Variants in ESYT1 observed in about 807,000 individuals in gnomAD.
ESYT1 encodes extended synaptotagmin 1, also known as extended synaptotagmin-1.
In ESYT1, 116 loss-of-function variants were observed where a neutral mutation model predicts 154.2. The observed-to-expected ratio is 0.75, with a 90% confidence interval of 0.65 to 0.88. The LOEUF (loss-of-function observed/expected upper bound fraction) is 0.88. ESYT1 is among the 40% of genes least tolerant of loss of function. ESYT1 has a pLI of 0.00. For synonymous variants in ESYT1, 500 were observed against 539.9 expected (o/e 0.93, Z 1.02); for missense variants, 1,264 against 1,379.3 (o/e 0.92, Z 1.32).
intron 24 of ESYT1, among the ~76,000 whole-genome samples, chr12:56,139,549 G>C (rs1196917603): frequency 6.6e-6 from 1 of 151,166 alleles, no homozygotes; most frequent in Non-Finnish European, 1.5e-5. Context: ...GGAAAGGCTG[G>C]AGATAGAAAG....
intron 24 of ESYT1, among the ~76,000 whole-genome samples, chr12:56,139,719 C>T (rs1002333489): frequency 3.3e-5 from 5 of 151,756 alleles, no homozygotes; most frequent in African/African-American, 1.2e-4. Flanking sequence ...CCTCAGCCTC[C>T]CGCGTACCTG....
At chr12:56,136,932 G>A (rs1382535503) in intron 16 of ESYT1, 39 bp downstream of exon 16, 2 of 1,542,938 alleles carry the variant, frequency 1.3e-6, no homozygotes, top group East Asian at 2.3e-5. Flanking sequence ...TGGGGGAAAG[G>A]CCTGTTGATT....
intron 15 of ESYT1, among the ~76,000 whole-genome samples, chr12:56,136,306 T>C (rs920149818): frequency 1.3e-5 from 2 of 151,492 alleles, no homozygotes; most frequent in African/African-American, 4.9e-5. Flanking sequence ...TGAACAAAGG[T>C]GGAAGGGGCC....
Position 56,137,919 on chromosome 12 carries a change from G to C in ESYT1, c.2198+5G>C. On this transcript the variant is annotated splice_donor_5th_base_variant and intron_variant, in intron 19 of 30. Coordinates refer to ENST00000394048, the MANE Select transcript of ESYT1 (RefSeq NM_015292.3). Reference sequence around the variant, plus strand: ...CAAGGATGATTTTCTGGGCAGGTGAGAGCATAGGAGTCTACGTGAAAAACA... The same window carrying C: ...CAAGGATGATTTTCTGGGCAGGTGACAGCATAGGAGTCTACGTGAAAAACA... 1.9e-6 allele frequency: 3 copies of C among 1,614,210 alleles called. No individual in the cohort carries two copies. Among genetic ancestry groups the C allele is most frequent in the African/African-American group, 2.7e-5 (2 of 75,056 alleles).
rs769121244 is a variant in ESYT1 at position 56,137,703 on chromosome 12, G to A, written c.2115+28G>A. On this transcript the variant is annotated intron_variant, in intron 18 of 30. Transcript: ENST00000394048. ...CAGAATTGAGTGGCTGTGACTCCTG[G>A]TTCTGCCCCATTTTTCCCCCAATCC... is the stretch of plus-strand genomic sequence containing the variant. The A allele has an allele frequency of 1.9e-6, 3 of 1,610,716 alleles. No individual in the cohort carries two copies. The East Asian group carries it at 6.7e-5, about 36-fold the overall frequency.
chr12:56,130,636 T>A lies in ESYT1; in HGVS notation c.432+13T>A. ...ATGGCTCAATAAGGTGAGGATTGAT[T>A]TGATTTTTAGTCTTCATGAGGGGAG... On this transcript the variant is annotated intron_variant, in intron 2 of 30. Transcript: ENST00000394048. 1 of 1,614,144 alleles carries A rather than the reference T, an allele frequency of 6.2e-7. No individual in the cohort carries two copies. The highest frequency in any genetic ancestry group is 8.5e-7 in the Non-Finnish European group (1 of 1,180,040).
At chr12:56,132,399 A>C (rs1453034467) in intron 8 of ESYT1, 22 bp from the exon 9 acceptor site, 2 of 1,613,648 alleles carry the variant, frequency 1.2e-6, no homozygotes, top group Admixed American at 3.3e-5. Context: ...TTAGTTTCTC[A>C]CCATCTGATT....
At chr12:56,138,350 G>A in intron 21 of ESYT1, 54 bp from the exon 22 acceptor site, 2 of 1,611,562 alleles carry the variant, frequency 1.2e-6, no homozygotes, top group Non-Finnish European at 1.7e-6. Flanking sequence ...CAAGGCACAT[G>A]CCAGAACCCA....
At chr12:56,130,478 TCACA>T in intron 1 of ESYT1, 100 bp from the exon 2 acceptor site, 1 of 1,394,324 alleles carries the variant, frequency 7.2e-7, no homozygotes, top group Non-Finnish European at 1.0e-6. Context: ...GTGTGAGGAG[TCACA>T]CACACTCCCT....
chr12:56,143,543 A>C, intron 29 of ESYT1, 37 bp from the exon 30 acceptor site: 2 of 1,612,842 alleles, frequency 1.2e-6, no homozygotes, highest in Non-Finnish European at 1.7e-6. Context: ...AAAAAATAAA[A>C]GAAATAACAT....
In ESYT1 at chr12:56,139,881, C is replaced by T. The variant is rs185768640; in HGVS notation, c.2592+868C>T. ...GGGATTATAGGTGTGAGCCACTGCA[C>T]CCGGCCTTTTTTTTTTTAGACAGGG... On this transcript the variant is annotated intron_variant, in intron 24 of 30. Transcript: ENST00000394048. Among the ~76,000 whole-genome samples, 126 of 151,610 alleles carry T rather than the reference C, an allele frequency of 8.3e-4. 1 individual carries two copies. In the Middle Eastern group the frequency reaches 0.017, roughly 21 times the overall value.
intron 20 of ESYT1, 47 bp downstream of exon 20, chr12:56,138,121 C>T (rs374337805): frequency 5.5e-5 from 89 of 1,613,488 alleles, no homozygotes; most frequent in Non-Finnish European, 7.1e-5. Flanking sequence ...CCTGCCCAAG[C>T]TTCATTCTCA....
chr12:56,131,805 G>A lies in ESYT1; in HGVS notation c.860+1G>A. On this transcript the variant is annotated splice_donor_variant, in intron 7 of 30. Transcript: ENST00000394048. LOFTEE classifies it high-confidence loss of function. ...ACCTGCTGGATATCCCAGGACTTAGGTATCAAGGACTTACTGAGCACCTGC... is the reference window on the plus strand; with the variant it reads ...ACCTGCTGGATATCCCAGGACTTAGATATCAAGGACTTACTGAGCACCTGC... 6.2e-7 allele frequency: 1 copy of A among 1,614,170 alleles called. No individual in the cohort carries two copies. Among genetic ancestry groups the A allele is most frequent in the East Asian group, 2.2e-5 (1 of 44,884 alleles).
rs1870223707 is a variant in ESYT1, at chr12:56,131,270, T to G, written c.668T>G (p.Val223Gly). The change falls in exon 5 of 31, where the codon GTG becomes GGG. Residue 223 changes from valine (V) to glycine (G), a missense_variant. By Grantham distance (109) the Val-to-Gly change is moderately radical. Coordinates refer to ENST00000394048, the MANE Select transcript of ESYT1 (RefSeq NM_015292.3). ...ISYVGDVQID[V>G]EVKKYFCKAG... Reference sequence around the variant, plus strand: ...TATGTAGGTGATGTGCAGATTGATGTGGAAGTGAAGAAATATTTTTGCAAA... The same window carrying G: ...TATGTAGGTGATGTGCAGATTGATGGGGAAGTGAAGAAATATTTTTGCAAA... 6.2e-7 allele frequency: 1 copy of G among 1,614,102 alleles called. No individual in the cohort carries two copies. The highest frequency in any genetic ancestry group is 1.7e-5 in the Admixed American group (1 of 60,010).
At chr12:56,139,263 C>T (rs1446940717) in intron 24 of ESYT1, among the ~76,000 whole-genome samples, 2 of 151,976 alleles carry the variant, frequency 1.3e-5, no homozygotes, top group African/African-American at 4.8e-5. Flanking sequence ...TGCCCGCCAC[C>T]ACACCTGGCT....
rs745566246 is a variant in ESYT1, at chr12:56,128,327, G to C, written c.8G>C (p.Arg3Pro). 2.5e-6 allele frequency: 4 copies of C among 1,610,170 alleles called. No individual in the cohort carries two copies. In the South Asian group the frequency reaches 4.4e-5, roughly 18 times the overall value. The change falls in exon 1 of 31, where the codon CGA (arginine) becomes CCA (proline). Residue 3 changes from arginine (R) to proline (P), a missense_variant. Physicochemically the swap from Arg to Pro is moderately radical, Grantham distance 103 (BLOSUM62 -2). Transcript: ENST00000394048. ...CCTCCCAGAGGTGGCACAATGGAGC[G>C]ATCTCCAGGAGAGGGCCCCAGCCCC... MERSPGEGPSPSP... is the reference protein window; with the variant it reads MEPSPGEGPSPSP...
chr12:56,137,146 C>T, intron 16 of ESYT1, 72 bp from the exon 17 acceptor site: 1 of 1,578,198 alleles, frequency 6.3e-7, no homozygotes. Context: ...CCTCCTCTAC[C>T]CCACCCCACA....
At chr12:56,141,704 C>A (rs572253450) in intron 24 of ESYT1, among the ~76,000 whole-genome samples, 1 of 152,112 alleles carries the variant, frequency 6.6e-6, no homozygotes, top group Admixed American at 6.5e-5. Flanking sequence ...TGCGCCACTG[C>A]ACTCCAGCCT....
In ESYT1 at chr12:56,142,672, G is replaced by A. The variant is rs375719838; in HGVS notation, c.2828G>A (p.Gly943Glu). The change falls in exon 26 of 31, where the codon GGA becomes GAA. Residue 943 changes from glycine to glutamate, a missense_variant. Gly to Glu is a moderately conservative substitution (Grantham distance 98, BLOSUM62 -2). Transcript: ENST00000394048. This position sits in a 1 kb window ranked among gnomAD's most constrained non-coding sequence, Gnocchi z 4.1. ...AGTGAAGAACCAGAGCTCTCGGGGGGACCCCCTCACATCACCTCCTCAGCC... is the reference window on the plus strand; with the variant it reads ...AGTGAAGAACCAGAGCTCTCGGGGGAACCCCCTCACATCACCTCCTCAGCC... ...SLSEEPELSG[G>E]PPHITSSAPE... 1.9e-6 allele frequency: 3 copies of A among 1,614,028 alleles called. No homozygotes were observed. The highest frequency in any genetic ancestry group is 1.6e-4 in the Middle Eastern group (1 of 6,062).
Sources: allele counts gnomAD v4.1 joint callset (sites outside exome capture counted in the v4.1 genomes callset), GRCh38; gene constraint gnomAD v4.1.1; non-coding constraint Gnocchi (gnomAD v3.1); transcripts MANE v1.5; gene names NCBI Gene and HGNC (gene_info 2026-07-23, HGNC 2026-07-21).